The following DNM2 variants were observed in gnomAD, a reference collection of about 807,000 sequenced individuals.
DNM2 encodes the protein dynamin 2, also known as dynamin-2.
A neutral mutation model predicts 99.0 loss-of-function variants in DNM2; 15 were observed. That is an observed-to-expected ratio of 0.15 (90% CI 0.10 to 0.23). The LOEUF (loss-of-function observed/expected upper bound fraction) is 0.23, where lower values mean the gene tolerates loss of function less well. Among genes scored for constraint, DNM2 ranks in the 10% least tolerant of loss-of-function variants. The pLI, the probability that DNM2 is intolerant of heterozygous loss-of-function variation, is 1.00. For synonymous variants in DNM2, 525 were observed against 481.2 expected, an observed-to-expected ratio of 1.09 and a Z score of -1.19; for missense variants, 742 against 1,189.4, an observed-to-expected ratio of 0.62 and a Z score of 5.53.
In DNM2 at chr19:10,824,079, A is replaced by T. The variant is rs1020269281; in HGVS notation, c.1893+180A>T. ...TGGGGGTACTTTGTCATCAGGGCCC[A>T]GAAAGTTCCCTCACGGAAGCCAGTG... On this transcript the variant is annotated intron_variant, in intron 17 of 20. Coordinates refer to ENST00000389253, the MANE Select transcript of DNM2 (RefSeq NM_001005361.3). 10 of 630,104 alleles carry T rather than the reference A, an allele frequency of 1.6e-5. No homozygotes were observed. The Admixed American group carries it at 1.9e-4, about 12-fold the overall frequency. The allele number at this position is 630,104 out of a possible 1,614,324, so 39.0% of individuals were successfully genotyped here.
At position 10,739,711 on chromosome 19, in the gene DNM2, C is replaced by G. The variant is rs141222117; in HGVS notation, c.162-20027C>G. ...TCTCTACTAAAAATACAAAAATTAG[C>G]TGGGTGTAGTGGCACATGCCTGTAA... On this transcript the variant is annotated intron_variant, in intron 1 of 20. Coordinates refer to ENST00000389253, the MANE Select transcript of DNM2 (RefSeq NM_001005361.3). Among the ~76,000 whole-genome samples, 975 of 151,908 alleles carry G rather than the reference C, an allele frequency of 6.4e-3. 20 individuals are homozygous for G. The highest frequency in any genetic ancestry group is 0.022 in the African/African-American group (928 of 41,442).
chr19:10,791,057 C>T (rs536012579), intron 7 of DNM2, among the ~76,000 whole-genome samples: 88 of 152,136 alleles, frequency 5.8e-4, no homozygotes, highest in Middle Eastern at 3.4e-3. Flanking sequence ...TGAACCACCA[C>T]GCCTGGCCTT....
At chr19:10,827,103 C>A (rs536339344) in intron 18 of DNM2, among the ~76,000 whole-genome samples, 9 of 152,274 alleles carry the variant, frequency 5.9e-5, no homozygotes, top group African/African-American at 1.9e-4. Context: ...CACACACACA[C>A]CTCCCACGTG....
chr19:10,733,663 G>C (rs2069416627), intron 1 of DNM2, among the ~76,000 whole-genome samples: 1 of 151,536 alleles, frequency 6.6e-6, no homozygotes, highest in Non-Finnish European at 1.5e-5. Context: ...AGGATTGCTT[G>C]AGTCTAGGAG....
intron 11 of DNM2, among the ~76,000 whole-genome samples, chr19:10,799,528 TTTTTTG>T (rs1486771169): frequency 1.4e-5 from 2 of 143,808 alleles, no homozygotes; most frequent in African/African-American, 2.6e-5. Context: ...TGTGTTGTGG[TTTTTTG>T]TTTTTTTTTT....
chr19:10,719,196 C>G lies in DNM2; in HGVS notation c.161+793C>G, dbSNP rs74349068. ...ATCTCCTAGTCTGCCCATGACTACC[C>G]CTGAGTGTCTGGCACAACGGCTCTG... On this transcript the variant is annotated intron_variant, in intron 1 of 20. Transcript: ENST00000389253. 7.1e-3 allele frequency among the ~76,000 whole-genome samples: 1,082 copies of G among 152,160 alleles called. 23 individuals are homozygous for G. Among genetic ancestry groups the G allele is most frequent in the East Asian group, 0.039 (201 of 5,174 alleles).
chr19:10,765,481 C>T lies in DNM2; in HGVS notation c.235+5670C>T, dbSNP rs1256301614. Among the ~76,000 whole-genome samples the T allele has an allele frequency of 3.9e-5, 6 of 152,242 alleles. No homozygotes were observed. The highest frequency in any genetic ancestry group is 1.4e-4 in the African/African-American group (6 of 41,462). On this transcript the variant is annotated intron_variant, in intron 2 of 20. Coordinates refer to ENST00000389253, the MANE Select transcript of DNM2 (RefSeq NM_001005361.3). This position sits in a 1 kb window ranked among gnomAD's most constrained non-coding sequence, Gnocchi z 4.4. The stretch of plus-strand genomic sequence containing the variant: ...TGGTGAGCCTGGTCCATCACTCTGC[C>T]ATTCCATCTGCAGCCTTGTATCTAG...
At chr19:10,759,650 G>A (rs902830679) in intron 1 of DNM2, 88 bp from the exon 2 acceptor site, 3 of 1,552,632 alleles carry the variant, frequency 1.9e-6, no homozygotes, top group Admixed American at 1.7e-5. Flanking sequence ...CAAATTGCAA[G>A]ACAGAGTTGC....
chr19:10,719,609 T>G (rs1185554843), intron 1 of DNM2, among the ~76,000 whole-genome samples: 1 of 152,186 alleles, frequency 6.6e-6, no homozygotes, highest in African/African-American at 2.4e-5. Context: ...CCTCTTGCCT[T>G]TCTTGTCTCC....
chr19:10,812,416 G>T lies in DNM2; in HGVS notation c.1671+39G>T. 6.5e-7 allele frequency: 1 copy of T among 1,537,240 alleles called. No homozygotes were observed. Among genetic ancestry groups the T allele is most frequent in the South Asian group, 1.2e-5 (1 of 86,444 alleles). On this transcript the variant is annotated intron_variant, in intron 15 of 20. Transcript: ENST00000389253. The surrounding 1 kb of genome is among the most constrained non-coding windows in gnomAD (Gnocchi z 4.0). ...GGGAGCAGGGCTGCTGGGGTAGGTG[G>T]GGCAGCCAGGGAAGAGCGGGTGGGC...
intron 1 of DNM2, among the ~76,000 whole-genome samples, chr19:10,744,072 C>T (rs1402205787): frequency 6.6e-6 from 1 of 151,502 alleles, no homozygotes; most frequent in East Asian, 1.9e-4. Flanking sequence ...GCAGGAAAAT[C>T]ACTTGAGCCC....
chr19:10,736,264 C>CAA (rs545329681), intron 1 of DNM2, among the ~76,000 whole-genome samples: 31 of 91,478 alleles, frequency 3.4e-4, no homozygotes, highest in Admixed American at 1.4e-3. Context: ...GACTCTGTCT[C>CAA]AAAAAAAAAA....
At position 10,718,275 on chromosome 19, in the gene DNM2, G is replaced by T. The variant is rs779502758; in HGVS notation, c.33G>T (p.Pro11=). The stretch of plus-strand genomic sequence containing the variant: ...ACCGCGGGATGGAAGAGCTGATCCC[G>T]CTGGTCAACAAACTGCAGGACGCCT... The part of the protein sequence containing the change: MGNRGMEELI[P]LVNKLQDAFS... The change falls in exon 1 of 21, where the codon CCG becomes CCT. Residue 11 remains proline, a synonymous_variant. Transcript: ENST00000389253. 2.0e-6 allele frequency: 3 copies of T among 1,494,138 alleles called. No homozygotes were observed. Among genetic ancestry groups the T allele is most frequent in the South Asian group, 1.3e-5 (1 of 78,688 alleles). 92.6% of individuals were successfully genotyped at this position (1,494,138 alleles called of 1,614,324 possible).
intron 1 of DNM2, among the ~76,000 whole-genome samples, chr19:10,730,101 C>A (rs1197524131): frequency 6.6e-6 from 1 of 152,094 alleles, no homozygotes; most frequent in South Asian, 2.1e-4. Context: ...TGGGCTCATG[C>A]GATCCTTTCA....
At chr19:10,802,499 C>T in intron 12 of DNM2, 141 bp downstream of exon 12, 1 of 899,826 alleles carries the variant, frequency 1.1e-6, no homozygotes, top group East Asian at 2.6e-5. Context: ...GCAGAGCCAA[C>T]TGAGAATATC....
intron 18 of DNM2, among the ~76,000 whole-genome samples, chr19:10,828,217 A>T (rs991944435): frequency 7.2e-5 from 11 of 151,962 alleles, no homozygotes; most frequent in African/African-American, 2.7e-4. Context: ...TGGACCCAGG[A>T]GACGCAGGTT....
At chr19:10,819,840 G>A in intron 15 of DNM2, 140 bp from the exon 16 acceptor site, 1 of 779,042 alleles carries the variant, frequency 1.3e-6, no homozygotes, top group African/African-American at 1.7e-5. Context: ...GGAAGGGCCG[G>A]CAGATGGGCT....
rs766449694 is a variant in DNM2 at position 10,759,731 on chromosome 19, CT to C, written c.162-6del. ...GAGTAATTTCTGTCCCTCTCCCCCC[CT>C]CACAGGGACTTCCTTCCCCGCGGTT... On this transcript the variant is annotated splice_region_variant and splice_polypyrimidine_tract_variant and intron_variant, in intron 1 of 20. Coordinates refer to ENST00000389253, the MANE Select transcript of DNM2 (RefSeq NM_001005361.3). The C allele has an allele frequency of 1.4e-5, 22 of 1,614,054 alleles. No homozygotes were observed. In the Admixed American group the frequency reaches 2.5e-4, roughly 18 times the overall value.
At chr19:10,748,141 G>T (rs2145798943) in intron 1 of DNM2, among the ~76,000 whole-genome samples, 1 of 152,280 alleles carries the variant, frequency 6.6e-6, no homozygotes, top group African/African-American at 2.4e-5. Flanking sequence ...AGTGAAGCGG[G>T]AGCCCAAGGA....
Sources: allele counts gnomAD v4.1 joint callset (sites outside exome capture counted in the v4.1 genomes callset), GRCh38; gene constraint gnomAD v4.1.1; non-coding constraint Gnocchi (gnomAD v3.1); transcripts MANE v1.5; gene names NCBI Gene and HGNC (gene_info 2026-07-23, HGNC 2026-07-21).